The following CELF1 variants were observed in gnomAD, a reference collection of about 807,000 sequenced individuals.
The protein encoded by CELF1 is CUGBP Elav-like family member 1.
Under a neutral mutation model 61.8 loss-of-function variants are expected in CELF1, and 10 were observed. The ratio of observed to expected loss-of-function variants is 0.16; its 90% CI spans 0.10 to 0.27. CELF1 has a LOEUF of 0.27. CELF1 is among the 10% of genes least tolerant of loss of function. CELF1 has a pLI of 1.00. For missense variants in CELF1, 380 were observed against 639.1 expected, an observed-to-expected ratio of 0.59 and a Z score of 4.37; for synonymous variants, 236 against 225.1, an observed-to-expected ratio of 1.05 and a Z score of -0.43.
intron 1 of CELF1, among the ~76,000 whole-genome samples, chr11:47,541,702 GA>G (rs1456751435): frequency 1.3e-5 from 1 of 79,652 alleles, no homozygotes; most frequent in East Asian, 3.6e-4. Flanking sequence ...AAGAAAGAAA[GA>G]AAGAAAGAAA....
chr11:47,499,379 A>T, intron 3 of CELF1, 74 bp downstream of exon 3: 1 of 1,214,208 alleles, frequency 8.2e-7, no homozygotes, highest in Non-Finnish European at 1.2e-6. Context: ...AAAAAAAGGA[A>T]CCAATTTCAT....
At chr11:47,491,559 T>C (rs183792836) in intron 3 of CELF1, among the ~76,000 whole-genome samples, 65 of 152,360 alleles carry the variant, frequency 4.3e-4, no homozygotes, top group Middle Eastern at 3.4e-3. Context: ...AAATGGAATA[T>C]AGACCAATTC....
At chr11:47,530,881 C>T (rs139336154) in intron 1 of CELF1, among the ~76,000 whole-genome samples, 3 of 151,840 alleles carry the variant, frequency 2.0e-5, no homozygotes, top group African/African-American at 7.2e-5. Flanking sequence ...CTTGAGCCCA[C>T]GAGGTCAAGG....
At chr11:47,489,932 C>CTTTTTTTT (rs530410346) in intron 3 of CELF1, among the ~76,000 whole-genome samples, 4 of 23,474 alleles carry the variant, frequency 1.7e-4, no homozygotes, top group African/African-American at 6.5e-4. Flanking sequence ...AACATACCAT[C>CTTTTTTTT]TTGTTTTTTT....
At chr11:47,501,662 C>CAA (rs200413889) in intron 1 of CELF1, among the ~76,000 whole-genome samples, 3 of 148,476 alleles carry the variant, frequency 2.0e-5, no homozygotes, top group African/African-American at 7.5e-5. Flanking sequence ...TAAAAAATAT[C>CAA]AAAAAAAAAA....
At chr11:47,482,016 AAC>A (rs1334164791) in intron 9 of CELF1, among the ~76,000 whole-genome samples, 12 of 152,178 alleles carry the variant, frequency 7.9e-5, no homozygotes, top group African/African-American at 2.7e-4. Flanking sequence ...CAGCCTGGCC[AAC>A]ACAGTGAAAG....
intron 6 of CELF1, among the ~76,000 whole-genome samples, chr11:47,485,049 T>C (rs1304576583): frequency 6.6e-6 from 1 of 152,246 alleles, no homozygotes; most frequent in South Asian, 2.1e-4. Flanking sequence ...TATGGTAGCT[T>C]TGTAATCTTG....
At chr11:47,565,168 C>CG (rs1473078274) in intron 1 of CELF1, 6 of 1,898 alleles carry the variant, frequency 3.2e-3, no homozygotes, top group Non-Finnish European at 0.014. Flanking sequence ...ACACCCGCAC[C>CG]TGGGTCACTG....
chr11:47,512,584 C>A (rs113300995), intron 1 of CELF1, among the ~76,000 whole-genome samples: 3,140 of 151,954 alleles, frequency 0.021, 126 homozygotes, highest in African/African-American at 0.072. Flanking sequence ...AAATGATCTG[C>A]CTGCCTCAGC....
intron 1 of CELF1, among the ~76,000 whole-genome samples, chr11:47,511,805 A>G (rs566315951): frequency 3.3e-5 from 5 of 152,178 alleles, no homozygotes; most frequent in African/African-American, 1.2e-4. Context: ...GCTCATGCAC[A>G]TAACCCACAG....
intron 1 of CELF1, chr11:47,565,165 C>T (rs1409064046): frequency 5.5e-4 from 1 of 1,834 alleles, no homozygotes; most frequent in Non-Finnish European, 2.8e-3. Context: ...GTCACACCCG[C>T]ACCTGGGTCA....
chr11:47,519,985 TTTCA>T (rs2095797976), intron 1 of CELF1, among the ~76,000 whole-genome samples: 1 of 139,098 alleles, frequency 7.2e-6, no homozygotes, highest in Non-Finnish European at 1.5e-5. Context: ...AGTGCTTTGA[TTTCA>T]TTTTTACAAA....
intron 1 of CELF1, among the ~76,000 whole-genome samples, chr11:47,525,645 C>G (rs1177534101): frequency 6.6e-6 from 1 of 152,154 alleles, no homozygotes; most frequent in African/African-American, 2.4e-5. Context: ...ATAGGGGCTA[C>G]AGCACAAATC....
chr11:47,486,294 C>T (rs187391359), intron 6 of CELF1, among the ~76,000 whole-genome samples: 406 of 151,932 alleles, frequency 2.7e-3, no homozygotes, highest in Admixed American at 4.1e-3. Context: ...TAATATTTCT[C>T]TGTCAGCTCT....
intron 1 of CELF1, among the ~76,000 whole-genome samples, chr11:47,565,061 G>A (rs2097240471): frequency 6.6e-6 from 1 of 152,098 alleles, no homozygotes; most frequent in African/African-American, 2.4e-5. Flanking sequence ...CACCCAGGTA[G>A]CTCCTCTGTT....
At position 47,488,802 on chromosome 11, in the gene CELF1, A is replaced by G. The variant is rs373062250; in HGVS notation, c.259+35T>C. The G allele has an allele frequency of 2.0e-5, 28 of 1,392,802 alleles. No homozygotes were observed. The African/African-American group carries it at 2.8e-4, about 14-fold the overall frequency. 86.3% of individuals were successfully genotyped at this position (1,392,802 alleles called of 1,614,324 possible). A position where few individuals can be genotyped will look rare whatever the true frequency, so the allele number is the denominator to read the frequency against. The stretch of plus-strand genomic sequence containing the variant: ...CCTCACCTGCTCTGAGAGTCAGTGG[A>G]AAAAATAAGATAAACCAAAACCCAA... On this transcript the variant is annotated intron_variant, in intron 4 of 14. Transcript: ENST00000687097.
chr11:47,511,402 A>G (rs2095156385), intron 1 of CELF1, among the ~76,000 whole-genome samples: 1 of 53,682 alleles, frequency 1.9e-5, no homozygotes, highest in Admixed American at 1.9e-4. Context: ...ACAATAGATA[A>G]TTCATCAATA....
intron 1 of CELF1, among the ~76,000 whole-genome samples, chr11:47,512,499 G>C (rs1318772800): frequency 2.8e-5 from 4 of 141,784 alleles, no homozygotes; most frequent in African/African-American, 1.1e-4. Context: ...ACTCTGCCCA[G>C]CTAATTTTTT....
At chr11:47,533,142 T>C (rs1476682549) in intron 1 of CELF1, among the ~76,000 whole-genome samples, 1 of 152,060 alleles carries the variant, frequency 6.6e-6, no homozygotes, top group Non-Finnish European at 1.5e-5. Flanking sequence ...GCTGATCTTA[T>C]TATTTCAGCA....
Sources: allele counts gnomAD v4.1 joint callset (sites outside exome capture counted in the v4.1 genomes callset), GRCh38; gene constraint gnomAD v4.1.1; transcripts MANE v1.5; gene names NCBI Gene and HGNC (gene_info 2026-07-23, HGNC 2026-07-21).